The following ADCY5 variants were observed in gnomAD, a reference collection of about 807,000 sequenced individuals.
ADCY5 encodes the protein adenylate cyclase 5.
In ADCY5, 30 loss-of-function variants were observed where a neutral mutation model predicts 119.7. The ratio of observed to expected loss-of-function variants is 0.25; its 90% CI spans 0.19 to 0.34. The LOEUF (loss-of-function observed/expected upper bound fraction) is 0.34, where lower values mean the gene tolerates loss of function less well. Among genes scored for constraint, ADCY5 ranks in the 10% least tolerant of loss-of-function variants. ADCY5 has a pLI of 1.00. For missense variants in ADCY5, 1,324 were observed against 1,775.2 expected (o/e 0.75, Z 4.57); for synonymous variants, 753 against 762.2 (o/e 0.99, Z 0.20).
intron 1 of ADCY5, among the ~76,000 whole-genome samples, chr3:123,373,029 G>A (rs552811548): frequency 5.3e-5 from 8 of 152,274 alleles, no homozygotes; most frequent in Non-Finnish European, 7.4e-5. Context: ...TCTCCTGCCC[G>A]GTTAAGGTTC....
intron 1 of ADCY5, among the ~76,000 whole-genome samples, chr3:123,440,360 T>C (rs767783113): frequency 1.3e-5 from 2 of 152,034 alleles, no homozygotes; most frequent in African/African-American, 4.8e-5. Flanking sequence ...GAGCAAGAGG[T>C]AGTGGGCAGG....
Position 123,330,934 on chromosome 3 carries a change from G to C in ADCY5, c.1601C>G (p.Ala534Gly), listed in dbSNP as rs1307196542. 1.2e-6 allele frequency: 2 copies of C among 1,614,078 alleles called. No individual in the cohort carries two copies. The highest frequency in any genetic ancestry group is 3.3e-5 in the Admixed American group (2 of 60,004). ...SGLPEARADH[A>G]HCCVEMGMDM... ...CATGCCCATCTCCACACAGCAGTGG[G>C]CGTGGTCAGCCCTTGCTTCAGGCAG... The change falls in exon 5 of 21, where the codon GCC (alanine) becomes GGC (glycine). Residue 534 changes from alanine to glycine, a missense_variant. This residue lies in a region of ADCY5 where 123 missense variants were observed against 287.9 expected (regional missense o/e 0.43). Transcript: ENST00000462833.
chr3:123,387,647 G>A (rs776822191), intron 1 of ADCY5, among the ~76,000 whole-genome samples: 1 of 152,128 alleles, frequency 6.6e-6, no homozygotes, highest in Non-Finnish European at 1.5e-5. Flanking sequence ...TCAAATCAAG[G>A]GAAATAGTAA....
chr3:123,381,470 G>T (rs1005589744), intron 1 of ADCY5, among the ~76,000 whole-genome samples: 11 of 152,230 alleles, frequency 7.2e-5, no homozygotes, highest in African/African-American at 2.2e-4. Flanking sequence ...GCACGACATT[G>T]ACAGTGAGTA....
At chr3:123,344,832 G>A (rs1213994797) in intron 3 of ADCY5, among the ~76,000 whole-genome samples, 1 of 152,126 alleles carries the variant, frequency 6.6e-6, no homozygotes, top group Non-Finnish European at 1.5e-5. Context: ...AGGCCCCAGA[G>A]GGACATTTGC....
intron 1 of ADCY5, among the ~76,000 whole-genome samples, chr3:123,385,266 C>A (rs1944179596): frequency 6.7e-6 from 1 of 148,882 alleles, no homozygotes; most frequent in Non-Finnish European, 1.5e-5. Context: ...CTTCTAGGGG[C>A]AAAAAATGTC....
chr3:123,422,965 G>A (rs1182750983), intron 1 of ADCY5, among the ~76,000 whole-genome samples: 1 of 152,176 alleles, frequency 6.6e-6, no homozygotes, highest in East Asian at 1.9e-4. Context: ...AAACTTCCCT[G>A]TTTCCCTCCT....
intron 18 of ADCY5, 100 bp downstream of exon 18, chr3:123,291,013 G>C: frequency 7.0e-7 from 1 of 1,436,230 alleles, no homozygotes; most frequent in South Asian, 1.4e-5. Context: ...CTTATGTCAC[G>C]ATGGTAGAAG....
At chr3:123,339,977 T>C (rs1942201261) in intron 3 of ADCY5, among the ~76,000 whole-genome samples, 1 of 152,208 alleles carries the variant, frequency 6.6e-6, no homozygotes, top group African/African-American at 2.4e-5. Flanking sequence ...AAAGAACATA[T>C]ATTCTTCACA....
chr3:123,314,954 C>T (rs909601390), intron 11 of ADCY5, among the ~76,000 whole-genome samples: 1 of 152,226 alleles, frequency 6.6e-6, no homozygotes, highest in East Asian at 1.9e-4. Flanking sequence ...GTTCAACAAG[C>T]AAAATGCAAG....
In ADCY5 at chr3:123,370,629, T is replaced by G. The variant is rs1943602971; in HGVS notation, c.1135-18048A>C. ...ATGGAACTGAATCATCCTACCAACCTGGACCCCATCACTTTGAGACTATGA... is the reference window on the plus strand; with the variant it reads ...ATGGAACTGAATCATCCTACCAACCGGGACCCCATCACTTTGAGACTATGA... On this transcript the variant is annotated intron_variant, in intron 1 of 20. Coordinates refer to ENST00000462833, the MANE Select transcript of ADCY5 (RefSeq NM_183357.3). Among the ~76,000 whole-genome samples, 3 of 152,230 alleles carry G rather than the reference T, an allele frequency of 2.0e-5. No homozygotes were observed. The South Asian group carries it at 6.2e-4, about 32-fold the overall frequency.
Position 123,296,142 on chromosome 3 carries a change from T to A in ADCY5, c.3005A>T (p.Tyr1002Phe), listed in dbSNP as rs1576533480. Residue 1002 changes from tyrosine (Y) to phenylalanine (F), a missense_variant, in exon 17 of 21, where the codon TAC (tyrosine) becomes TTC (phenylalanine). By Grantham distance (22) the Tyr-to-Phe change is conservative. Transcript: ENST00000462833. Reference protein sequence around the residue: ...IIISVFVLALYLHAQQVESTA... With the variant: ...IIISVFVLALFLHAQQVESTA... ...GGACTCCACCTGCTGGGCGTGCAGG[T>A]ACAGGGCCAGCACAAAGACTGAGAT... is the stretch of plus-strand genomic sequence containing the variant. 1 of 1,613,946 alleles carries A rather than the reference T, an allele frequency of 6.2e-7. No individual in the cohort carries two copies. The highest frequency in any genetic ancestry group is 2.2e-5 in the East Asian group (1 of 44,876).
intron 1 of ADCY5, among the ~76,000 whole-genome samples, chr3:123,440,897 T>C (rs1240869981): frequency 6.6e-6 from 1 of 152,238 alleles, no homozygotes; most frequent in Non-Finnish European, 1.5e-5. Context: ...ACCACCACTA[T>C]GACCCAATCG....
chr3:123,327,738 A>T lies in ADCY5; in HGVS notation c.1827T>A (p.Ala609=). 2 of 1,614,056 alleles carry T rather than the reference A, an allele frequency of 1.2e-6. No homozygotes were observed. The highest frequency in any genetic ancestry group is 1.7e-6 in the Non-Finnish European group (2 of 1,180,000). Residue 609 remains alanine (A), a synonymous_variant, in exon 7 of 21, where the codon GCT becomes GCA. Coordinates refer to ENST00000462833, the MANE Select transcript of ADCY5 (RefSeq NM_183357.3). ...AGTCCCCATTCAGGTAGTTGAGTGT[A>T]GCCTTGGTGATGTGGATGCGTCTAC... ...GKAGRIHITK[A]TLNYLNGDYE... is the part of the protein sequence containing the mutation.
chr3:123,447,498 C>T lies in ADCY5; in HGVS notation c.1048G>A (p.Ala350Thr), dbSNP rs780547615. The change falls in exon 1 of 21, where the codon GCA becomes ACA. Residue 350 changes from alanine (A) to threonine (T), a missense_variant. Around this residue, in one of 6 missense-constraint regions of ADCY5, gnomAD observed 585 missense variants for 569.9 expected, o/e 1.03. Transcript: ENST00000462833. ...YTLLPVRMRAAVLSGVLLSAL... is the reference protein window; with the variant it reads ...YTLLPVRMRATVLSGVLLSAL... ...GACAGGAGCACCCCGCTGAGCACTGCGGCCCGCATGCGCACGGGCAGCAGC... is the reference window on the plus strand; with the variant it reads ...GACAGGAGCACCCCGCTGAGCACTGTGGCCCGCATGCGCACGGGCAGCAGC... 27 of 1,611,634 alleles carry T rather than the reference C, an allele frequency of 1.7e-5. No homozygotes were observed. The highest frequency in any genetic ancestry group is 3.3e-5 in the Admixed American group (2 of 59,912).
chr3:123,364,945 T>G (rs1943381588), intron 1 of ADCY5, among the ~76,000 whole-genome samples: 1 of 151,590 alleles, frequency 6.6e-6, no homozygotes, highest in Non-Finnish European at 1.5e-5. Flanking sequence ...CTTTTTTTTT[T>G]TTTTTTGAGA....
intron 1 of ADCY5, among the ~76,000 whole-genome samples, chr3:123,361,196 C>T (rs1943232872): frequency 6.6e-6 from 1 of 152,194 alleles, no homozygotes; most frequent in Non-Finnish European, 1.5e-5. Flanking sequence ...CTCCCAGCCA[C>T]TGCCAGATTC....
Position 123,286,844 on chromosome 3 carries a change from T to C in ADCY5, c.3533-35A>G. ...ACAGGAATCAGCCACAGTCATCACATCTCTGGCTTGACCTTGCCACCATCT... is the reference window on the plus strand; with the variant it reads ...ACAGGAATCAGCCACAGTCATCACACCTCTGGCTTGACCTTGCCACCATCT... On this transcript the variant is annotated intron_variant, in intron 19 of 20. Coordinates refer to ENST00000462833, the MANE Select transcript of ADCY5 (RefSeq NM_183357.3). The surrounding 1 kb of genome is among the most constrained non-coding windows in gnomAD (Gnocchi z 4.2). 4 of 1,555,020 alleles carry C rather than the reference T, an allele frequency of 2.6e-6. No individual in the cohort carries two copies. In the South Asian group the frequency reaches 3.7e-5, roughly 14 times the overall value.
intron 2 of ADCY5, among the ~76,000 whole-genome samples, chr3:123,349,492 C>A (rs947542496): frequency 6.6e-6 from 1 of 152,194 alleles, no homozygotes; most frequent in Admixed American, 6.5e-5. Context: ...CCTCCCTCTG[C>A]CCTCCCTGAC....
Sources: gnomAD v4.1 joint callset for allele counts (sites outside exome capture counted in the v4.1 genomes callset) on GRCh38, gnomAD v4.1.1 for gene constraint, gnomAD v4.1.1 regional missense constraint, Gnocchi (gnomAD v3.1) non-coding constraint, MANE v1.5 for transcripts, NCBI Gene and HGNC (gene_info 2026-07-23, HGNC 2026-07-21) for gene names.